BCL2L11: variants seen among roughly 807,000 people sequenced by gnomAD.
BCL2L11 encodes bcl-2-like protein 11.
In BCL2L11, 15 loss-of-function variants were observed where a neutral mutation model predicts 20.6. That is an observed-to-expected ratio of 0.73 (90% confidence interval 0.49 to 1.12). The LOEUF (loss-of-function observed/expected upper bound fraction) is 1.12, where lower values mean the gene tolerates loss of function less well. BCL2L11 is among the 50% of genes most tolerant of loss of function. The probability of loss-of-function intolerance (pLI) is 0.00; values close to 1 mark genes in which losing one functional copy is unlikely to be tolerated. For missense variants in BCL2L11, 292 were observed against 260.9 expected (o/e 1.12, Z -0.82); for synonymous variants, 108 against 92.8 (o/e 1.16, Z -0.94).
In BCL2L11 at chr2:111,123,996, G is replaced by A; in HGVS notation, c.251G>A (p.Arg84Lys). 1 of 1,614,234 alleles carries A rather than the reference G, an allele frequency of 6.2e-7. No individual in the cohort carries two copies. Among genetic ancestry groups the A allele is most frequent in the Non-Finnish European group, 8.5e-7 (1 of 1,180,046 alleles). ...ATRSPLFIFM[R>K]RSSLLSRSSS... ...AGATCCCCGCTTTTCATCTTTATGA[G>A]AAGATCCTCCCTGCTGTCTCGATCC... The change falls in exon 2 of 4, where the codon AGA becomes AAA. Residue 84 changes from arginine (R) to lysine (K), a missense_variant. By Grantham distance (26) the Arg-to-Lys change is conservative. Coordinates refer to ENST00000393256, the MANE Select transcript of BCL2L11 (RefSeq NM_138621.5).
chr2:111,121,977 G>C (rs2071082683), intron 1 of BCL2L11, among the ~76,000 whole-genome samples: 1 of 152,184 alleles, frequency 6.6e-6, no homozygotes, highest in South Asian at 2.1e-4. Context: ...GTGCAGGCTG[G>C]CGGCGCCGTG....
chr2:111,138,339 T>C (rs149451270), intron 2 of BCL2L11, among the ~76,000 whole-genome samples: 1 of 152,342 alleles, frequency 6.6e-6, no homozygotes, highest in East Asian at 1.9e-4. Context: ...TGCCTTTGTG[T>C]ATGTACACAA....
intron 2 of BCL2L11, among the ~76,000 whole-genome samples, chr2:111,133,701 T>C (rs2074344654): frequency 6.6e-6 from 1 of 152,238 alleles, no homozygotes; most frequent in Non-Finnish European, 1.5e-5. Flanking sequence ...ATTCTGCTGC[T>C]ATTGGGTAGA....
At position 111,124,110 on chromosome 2, in the gene BCL2L11, A is replaced by T; in HGVS notation, c.365A>T (p.Gln122Leu). 6.2e-7 allele frequency: 1 copy of T among 1,612,896 alleles called. No individual in the cohort carries two copies. Among genetic ancestry groups the T allele is most frequent in the Non-Finnish European group, 8.5e-7 (1 of 1,179,578 alleles). Residue 122 changes from glutamine (Q) to leucine (L), a missense_variant, in exon 2 of 4, where the codon CAG becomes CTG. By Grantham distance (113) the Gln-to-Leu change is moderately radical (BLOSUM62 -2). Transcript: ENST00000393256. ...KSTQTPSPPC[Q>L]AFNHYLSAMA... ...ACACAAACCCCAAGTCCTCCTTGCC[A>T]GGCCTTCAACCACTATCTCAGTGCA...
Position 111,164,186 on chromosome 2 carries a change from A to G in BCL2L11, c.552A>G (p.Leu184=), listed in dbSNP as rs1368905611. ...AAGACCACCCACGAATGGTTATCTT[A>G]CGACTGTTACGTTACATTGTCCGCC... The part of the protein sequence containing the change: ...AAEDHPRMVI[L]RLLRYIVRLV... Residue 184 remains leucine (L), a synonymous_variant, in exon 4 of 4, where the codon TTA becomes TTG. Coordinates refer to ENST00000393256, the MANE Select transcript of BCL2L11 (RefSeq NM_138621.5). 6.2e-7 allele frequency: 1 copy of G among 1,612,978 alleles called. No homozygotes were observed. Among genetic ancestry groups the G allele is most frequent in the East Asian group, 2.2e-5 (1 of 44,848 alleles).
In BCL2L11 at chr2:111,120,976, C is replaced by CGCT. The variant is rs1305190668; in HGVS notation, c.-223_-221dup. The CGCT allele has an allele frequency of 1.4e-5, 4 of 284,472 alleles. No individual in the cohort carries two copies. The highest frequency in any genetic ancestry group is 2.3e-5 in the Non-Finnish European group (4 of 176,678). 17.6% of individuals were successfully genotyped at this position (284,472 alleles called of 1,614,324 possible). On this transcript the variant is annotated 5_prime_UTR_variant, in exon 1 of 4. Transcript: ENST00000393256. ...GGAGCTCTGCGTCCAGCGCCGCTGCCGCTGCCGCCGCCGCCGCCGCCGCCG... is the reference window on the plus strand; with the variant it reads ...GGAGCTCTGCGTCCAGCGCCGCTGCCGCTGCTGCCGCCGCCGCCGCCGCCGCCG...
chr2:111,147,345 C>T, intron 2 of BCL2L11, among the ~76,000 whole-genome samples: 1 of 131,388 alleles, frequency 7.6e-6, no homozygotes, highest in Non-Finnish European at 1.6e-5. Flanking sequence ...CTCTCTCTCT[C>T]TCACACACAC....
intron 2 of BCL2L11, among the ~76,000 whole-genome samples, chr2:111,148,740 C>T (rs1459974547): frequency 6.6e-6 from 1 of 152,172 alleles, no homozygotes; most frequent in Non-Finnish European, 1.5e-5. Context: ...CTGCCACCCC[C>T]ACAGGGGTGG....
chr2:111,151,619 T>C (rs1484428396), intron 3 of BCL2L11, among the ~76,000 whole-genome samples: 1 of 152,214 alleles, frequency 6.6e-6, no homozygotes, highest in East Asian at 1.9e-4. Context: ...TAGGCTTCTT[T>C]TAGACAAATA....
intron 3 of BCL2L11, among the ~76,000 whole-genome samples, chr2:111,154,443 C>T (rs188595979): frequency 3.0e-4 from 46 of 152,098 alleles, no homozygotes; most frequent in East Asian, 1.9e-3. Context: ...CCTCTGGTTC[C>T]GTTAATTTGG....
Position 111,144,660 on chromosome 2 carries a change from A to T in BCL2L11, c.395-5384A>T, listed in dbSNP as rs1031618250. ...TACAGAGTTGAATAAACATCCTGGA[A>T]TTTTTCTTTCTCTAAATGAATGTCA... On this transcript the variant is annotated intron_variant, in intron 2 of 3. Transcript: ENST00000393256. 27 of 1,139,188 alleles carry T rather than the reference A, an allele frequency of 2.4e-5. No individual in the cohort carries two copies. The Middle Eastern group carries it at 6.6e-4, about 28-fold the overall frequency. The allele number at this position is 1,139,188 out of a possible 1,614,324, so 70.6% of individuals were successfully genotyped here.
At chr2:111,123,107 C>A (rs1391009555) in intron 1 of BCL2L11, 1 of 979,964 alleles carries the variant, frequency 1.0e-6, no homozygotes, top group Non-Finnish European at 1.2e-6. Context: ...CAGAGAAGTT[C>A]TGTCTGATTC....
At chr2:111,151,912 T>C (rs1010023673) in intron 3 of BCL2L11, 3 of 1,524,564 alleles carry the variant, frequency 2.0e-6, no homozygotes, top group Admixed American at 2.0e-5. Context: ...TTTGGAACTT[T>C]GGTTGGTTTT....
At chr2:111,153,944 C>T (rs914291753) in intron 3 of BCL2L11, 20 of 1,474,970 alleles carry the variant, frequency 1.4e-5, no homozygotes, top group African/African-American at 9.9e-5. Context: ...TCTTCTCTCC[C>T]GATGCAGTGT....
intron 2 of BCL2L11, among the ~76,000 whole-genome samples, chr2:111,147,342 TCTCTCACACACACA>T (rs1559064264): frequency 7.5e-6 from 1 of 133,558 alleles, no homozygotes; most frequent in Non-Finnish European, 1.6e-5. Flanking sequence ...TCTCTCTCTC[TCTCTCACACACACA>T]CACACACACA....
chr2:111,144,948 C>T (rs1219025059), intron 2 of BCL2L11, among the ~76,000 whole-genome samples: 2 of 152,206 alleles, frequency 1.3e-5, no homozygotes, highest in Non-Finnish European at 2.9e-5. Context: ...AAGTGCCAGA[C>T]AGAATGTGCA....
chr2:111,141,484 A>G (rs868069106), intron 2 of BCL2L11, among the ~76,000 whole-genome samples: 6 of 134,254 alleles, frequency 4.5e-5, no homozygotes, highest in South Asian at 2.4e-4. Flanking sequence ...TGGACACAGG[A>G]AGGGGAATAT....
rs561830110 is a variant in BCL2L11 at position 111,128,285 on chromosome 2, A to G, written c.394+4146A>G. On this transcript the variant is annotated intron_variant, in intron 2 of 3. Transcript: ENST00000393256. ...ACATGTCAGAATTTCCTTCCTTTTT[A>G]AGGCTGAAGGTTGTTCCAGTGTGTG... 3.2e-4 allele frequency among the ~76,000 whole-genome samples: 48 copies of G among 152,202 alleles called. 1 individual carries two copies. Among genetic ancestry groups the G allele is most frequent in the Admixed American group, 1.0e-3 (16 of 15,290 alleles).
In BCL2L11 at chr2:111,164,191, T is replaced by A. The variant is rs1175363293; in HGVS notation, c.557T>A (p.Leu186Gln). ...CACCCACGAATGGTTATCTTACGAC[T>A]GTTACGTTACATTGTCCGCCTGGTG... ...EDHPRMVILR[L>Q]LRYIVRLVWR... Residue 186 changes from leucine (L) to glutamine (Q), a missense_variant, in exon 4 of 4, where the codon CTG becomes CAG. Leu to Gln is a moderately radical substitution (Grantham distance 113). Transcript: ENST00000393256. 1.2e-6 allele frequency: 2 copies of A among 1,611,882 alleles called. No individual in the cohort carries two copies. Among genetic ancestry groups the A allele is most frequent in the African/African-American group, 1.3e-5 (1 of 74,850 alleles).
Sources: gnomAD v4.1 joint callset for allele counts (sites outside exome capture counted in the v4.1 genomes callset) on GRCh38, gnomAD v4.1.1 for gene constraint, MANE v1.5 for transcripts, NCBI Gene and HGNC (gene_info 2026-07-23, HGNC 2026-07-21) for gene names.